The following LYZL4 variants were observed in gnomAD, a reference collection of about 807,000 sequenced individuals.
The protein encoded by LYZL4 is lysozyme like 4.
In LYZL4, 13 loss-of-function variants were observed where a neutral mutation model predicts 17.6. The ratio of observed to expected loss-of-function variants is 0.74; its 90% CI spans 0.48 to 1.18. LYZL4 has a LOEUF of 1.18. LYZL4 is among the 50% of genes most tolerant of loss of function. LYZL4 has a pLI of 0.00. For synonymous variants in LYZL4, 64 were observed against 67.7 expected, an observed-to-expected ratio of 0.95 and a Z score of 0.27; for missense variants, 174 against 188.2, an observed-to-expected ratio of 0.92 and a Z score of 0.44.
the LYZL4 span, among the ~76,000 whole-genome samples, chr3:42,374,984 T>C: frequency 6.6e-6 from 1 of 152,110 alleles, no homozygotes; most frequent in African/African-American, 2.4e-5. Flanking sequence ...TAATTTTTTG[T>C]ATTTTTAGTG....
At chr3:42,387,255 C>T in the LYZL4 span, among the ~76,000 whole-genome samples, 8 of 152,104 alleles carry the variant, frequency 5.3e-5, no homozygotes, top group African/African-American at 1.7e-4. Context: ...GTACCATGCC[C>T]GAGGTCAGGA....
At chr3:42,386,628 A>G in the LYZL4 span, among the ~76,000 whole-genome samples, 1 of 152,170 alleles carries the variant, frequency 6.6e-6, no homozygotes, top group South Asian at 2.1e-4. Context: ...GGTTTTCAGA[A>G]GTAACAAAAA....
At chr3:42,390,611 G>T in the LYZL4 span, among the ~76,000 whole-genome samples, 1 of 151,892 alleles carries the variant, frequency 6.6e-6, no homozygotes, top group Non-Finnish European at 1.5e-5. Context: ...CACGATCTCG[G>T]CTCACTGAAA....
At chr3:42,369,565 C>T in the LYZL4 span, among the ~76,000 whole-genome samples, 5 of 152,176 alleles carry the variant, frequency 3.3e-5, no homozygotes, top group Admixed American at 6.5e-5. Context: ...AAAGGTGCAG[C>T]GCCTAGCAGG....
the LYZL4 span, among the ~76,000 whole-genome samples, chr3:42,386,408 C>A: frequency 8.7e-3 from 1,191 of 136,490 alleles, 84 homozygotes; most frequent in Middle Eastern, 0.06. Flanking sequence ...CCCCCCCCCC[C>A]CCCCGCCTCC....
the LYZL4 span, among the ~76,000 whole-genome samples, chr3:42,369,676 C>T: frequency 6.6e-6 from 1 of 152,166 alleles, no homozygotes; most frequent in African/African-American, 2.4e-5. Context: ...ACTTTGGGAG[C>T]TTTGCTCCCC....
chr3:42,380,703 C>T, the LYZL4 span, among the ~76,000 whole-genome samples: 1 of 152,204 alleles, frequency 6.6e-6, no homozygotes, highest in Admixed American at 6.5e-5. Context: ...AAAGAACAGA[C>T]ATCTACATTA....
At chr3:42,404,236 A>G (rs977614142) in intron 3 of LYZL4, 112 bp from the exon 4 acceptor site, 2 of 592,972 alleles carry the variant, frequency 3.4e-6, no homozygotes, top group Non-Finnish European at 5.9e-6. Flanking sequence ...GTGAATTCCA[A>G]GAATAAATCT....
At chr3:42,408,720 T>C (rs2125604126) in intron 1 of LYZL4, among the ~76,000 whole-genome samples, 1 of 152,272 alleles carries the variant, frequency 6.6e-6, no homozygotes, top group East Asian at 1.9e-4. Context: ...ACCCTCCTGT[T>C]TGTCACCGTT....
the LYZL4 span, among the ~76,000 whole-genome samples, chr3:42,375,576 T>C: frequency 3.3e-5 from 5 of 152,090 alleles, no homozygotes; most frequent in Non-Finnish European, 5.9e-5. Context: ...GCTCTTCGAC[T>C]GAAGACTGAA....
chr3:42,380,518 T>C, the LYZL4 span, among the ~76,000 whole-genome samples: 2 of 152,176 alleles, frequency 1.3e-5, no homozygotes, highest in African/African-American at 2.4e-5. Flanking sequence ...ACTCAATCCC[T>C]TTGTATTAAA....
chr3:42,374,187 C>T, the LYZL4 span, among the ~76,000 whole-genome samples: 1 of 152,142 alleles, frequency 6.6e-6, no homozygotes, highest in Non-Finnish European at 1.5e-5. Context: ...TATCTTATTG[C>T]ATTGAAAGCT....
At chr3:42,407,399 C>T in intron 1 of LYZL4, 56 bp from the exon 2 acceptor site, 1 of 994,136 alleles carries the variant, frequency 1.0e-6, no homozygotes, top group Admixed American at 2.7e-5. Flanking sequence ...GGGAGTCTCA[C>T]CTGGTAAGCC....
chr3:42,385,633 G>A, the LYZL4 span, among the ~76,000 whole-genome samples: 1 of 152,164 alleles, frequency 6.6e-6, no homozygotes, highest in Admixed American at 6.5e-5. Context: ...ACCATGGGAG[G>A]CCCTGTGGGA....
chr3:42,406,411 G>A (rs1444411268), intron 3 of LYZL4, among the ~76,000 whole-genome samples: 5 of 133,198 alleles, frequency 3.8e-5, no homozygotes, highest in Non-Finnish European at 6.1e-5. Flanking sequence ...CCGAGATCGC[G>A]CCACTGCACT....
At chr3:42,366,239 T>A in the LYZL4 span, among the ~76,000 whole-genome samples, 1 of 152,188 alleles carries the variant, frequency 6.6e-6, no homozygotes, top group African/African-American at 2.4e-5. Context: ...CAGGCCCTCG[T>A]GTGTGTCTCC....
At chr3:42,404,216 G>C in intron 3 of LYZL4, 92 bp from the exon 4 acceptor site, 1 of 699,312 alleles carries the variant, frequency 1.4e-6, no homozygotes, top group Non-Finnish European at 2.4e-6. Flanking sequence ...TCACATCAGA[G>C]AGTCTTCCAG....
chr3:42,406,802 C>T (rs1485674933), intron 3 of LYZL4, 44 bp downstream of exon 3: 1 of 1,608,628 alleles, frequency 6.2e-7, no homozygotes, highest in South Asian at 1.1e-5. Flanking sequence ...AACACAGCAC[C>T]ATAGCCTCCA....
At chr3:42,409,975 T>G (rs1293823155) in intron 1 of LYZL4, among the ~76,000 whole-genome samples, 1 of 152,206 alleles carries the variant, frequency 6.6e-6, no homozygotes, top group Admixed American at 6.5e-5. Context: ...ACAGGTCCTT[T>G]GCACCAGCCA....
Sources: allele counts gnomAD v4.1 joint callset (sites outside exome capture counted in the v4.1 genomes callset), GRCh38; gene constraint gnomAD v4.1.1; transcripts MANE v1.5; gene names NCBI Gene and HGNC (gene_info 2026-07-23, HGNC 2026-07-21).